NFKBIZ: variants seen among roughly 807,000 people sequenced by gnomAD.
NFKBIZ encodes the protein NFKB inhibitor zeta.
A neutral mutation model predicts 76.8 loss-of-function variants in NFKBIZ; 19 were observed. The ratio of observed to expected loss-of-function variants is 0.25; its 90% CI spans 0.17 to 0.36. The LOEUF (loss-of-function observed/expected upper bound fraction) is 0.36, where lower values mean the gene tolerates loss of function less well. Among genes scored for constraint, NFKBIZ ranks in the 10% least tolerant of loss-of-function variants. The pLI, the probability that NFKBIZ is intolerant of heterozygous loss-of-function variation, is 1.00. For missense variants in NFKBIZ, 829 were observed against 910.9 expected, an observed-to-expected ratio of 0.91 and a Z score of 1.16; for synonymous variants, 368 against 354.8, an observed-to-expected ratio of 1.04 and a Z score of -0.42.
intron 1 of NFKBIZ, among the ~76,000 whole-genome samples, chr3:101,851,167 C>T (rs1462600071): frequency 1.3e-5 from 2 of 152,116 alleles, no homozygotes; most frequent in Non-Finnish European, 2.9e-5. Flanking sequence ...TGTTTCTTGC[C>T]CCATCTTATT....
At chr3:101,837,392 G>T (rs1942734501) in intron 2 of NFKBIZ, among the ~76,000 whole-genome samples, 3 of 149,916 alleles carry the variant, frequency 2.0e-5, no homozygotes, top group African/African-American at 7.4e-5. Flanking sequence ...AAAAATCATT[G>T]AGGAAGTGTT....
intron 4 of NFKBIZ, 49 bp downstream of exon 4, chr3:101,853,038 G>C: frequency 6.2e-7 from 1 of 1,612,564 alleles, no homozygotes; most frequent in Non-Finnish European, 8.5e-7. Context: ...AATTATTCCT[G>C]GGATAATTTT....
chr3:101,851,342 A>G (rs560448518), intron 1 of NFKBIZ, among the ~76,000 whole-genome samples: 2 of 152,386 alleles, frequency 1.3e-5, no homozygotes, highest in South Asian at 2.1e-4. Flanking sequence ...TGAAACAAGC[A>G]TATTTCCTTT....
chr3:101,858,097 A>G (rs1943077499), intron 11 of NFKBIZ: 1 of 966,086 alleles, frequency 1.0e-6, no homozygotes, highest in African/African-American at 1.8e-5. Context: ...TTATTCTTTC[A>G]AGAACTTAAA....
In NFKBIZ at chr3:101,853,361, C is replaced by A; in HGVS notation, c.835C>A (p.Gln279Lys). The A allele has an allele frequency of 6.2e-7, 1 of 1,614,156 alleles. No homozygotes were observed. The highest frequency in any genetic ancestry group is 1.1e-5 in the South Asian group (1 of 91,088). ...ACCATTCCAAGTCAGGGGCTCCCAA[C>A]AAATGATAGACCAGGCTTCCCTGTA... ...CQPFQVRGSQ[Q>K]MIDQASLYQY... Residue 279 changes from glutamine (Q) to lysine (K), a missense_variant, in exon 5 of 12, where the codon CAA (glutamine) becomes AAA (lysine). By Grantham distance (53) the Gln-to-Lys change is moderately conservative. Around this residue, in one of 4 missense-constraint regions of NFKBIZ, gnomAD observed 371 missense variants for 332.3 expected, o/e 1.12. Coordinates refer to ENST00000326172, the MANE Select transcript of NFKBIZ (RefSeq NM_031419.4).
intron 5 of NFKBIZ, 150 bp downstream of exon 5, chr3:101,854,013 T>C: frequency 1.3e-6 from 1 of 773,716 alleles, no homozygotes. Context: ...CGCCACTCAG[T>C]GATAGCTAGT....
Position 101,841,788 on chromosome 3 carries a change from T to C in NFKBIZ, c.-11-10297T>C, listed in dbSNP as rs1014246725. Among the ~76,000 whole-genome samples the C allele has an allele frequency of 2.0e-5, 3 of 152,238 alleles. No individual in the cohort carries two copies. In the South Asian group the frequency reaches 6.2e-4, roughly 31 times the overall value. On this transcript the variant is annotated intron_variant, in intron 2 of 12. Transcript: ENST00000394054. Reference sequence around the variant, plus strand: ...TTCTGGGCAAAAGGCAGCTGGGTTTTTATATTTACAAGATAGATGAAAATA... The same window carrying C: ...TTCTGGGCAAAAGGCAGCTGGGTTTCTATATTTACAAGATAGATGAAAATA...
rs565388806 is a variant in NFKBIZ at position 101,859,365 on chromosome 3, G to GTA, written c.2153_2154dup (p.Ter719IlefsTer10). The GTA allele has an allele frequency of 1.5e-4, 237 of 1,613,336 alleles. No individual in the cohort carries two copies. Among genetic ancestry groups the GTA allele is most frequent in the Admixed American group, 4.3e-4 (26 of 60,012 alleles). On this transcript the variant is annotated frameshift_variant, in exon 12 of 12. Transcript: ENST00000326172. LOFTEE classifies it high-confidence loss of function. ...AGTCCATTCAGCAGAGAGCTCCACC[G>GTA]TATTAGCTCCATTAGCTTGGAGCCT...
chr3:101,831,134 C>T (rs185022042), intron 2 of NFKBIZ, among the ~76,000 whole-genome samples: 7 of 152,322 alleles, frequency 4.6e-5, no homozygotes, highest in Admixed American at 3.3e-4. Flanking sequence ...GTTTGCTAGA[C>T]AGCCTAGTAC....
chr3:101,849,508 G>C (rs1942911219), upstream of NFKBIZ: 1 of 869,116 alleles, frequency 1.2e-6, no homozygotes, highest in Non-Finnish European at 1.5e-6. Context: ...GTCCCGCGCC[G>C]CGCCCGTACT....
At chr3:101,837,847 A>G (rs1942742983) in intron 2 of NFKBIZ, among the ~76,000 whole-genome samples, 1 of 152,214 alleles carries the variant, frequency 6.6e-6, no homozygotes. Context: ...AGATTAGGAG[A>G]TGAAATTCTG....
intron 2 of NFKBIZ, among the ~76,000 whole-genome samples, chr3:101,836,424 A>G (rs1173943711): frequency 6.6e-6 from 1 of 152,212 alleles, no homozygotes; most frequent in Non-Finnish European, 1.5e-5. Flanking sequence ...TTCTTAGCAC[A>G]TCATGGCCAC....
chr3:101,852,223 A>C lies in NFKBIZ; in HGVS notation c.428A>C (p.Lys143Thr). The change falls in exon 2 of 12, where the codon AAG (lysine) becomes ACG (threonine). Residue 143 changes from lysine (K) to threonine (T), a missense_variant and splice_region_variant. Coordinates refer to ENST00000326172, the MANE Select transcript of NFKBIZ (RefSeq NM_031419.4). ...KASGQAVDDFKTQGVNIEQFR... is the reference protein window; with the variant it reads ...KASGQAVDDFTTQGVNIEQFR... ...TCTGGCCAAGCTGTGGATGATTTTA[A>C]GGTGACATCTATTTTTCTGTTTTGA... 1 of 1,613,758 alleles carries C rather than the reference A, an allele frequency of 6.2e-7. No homozygotes were observed. Among genetic ancestry groups the C allele is most frequent in the Non-Finnish European group, 8.5e-7 (1 of 1,179,872 alleles).
At chr3:101,838,200 A>G (rs1402581210) in intron 2 of NFKBIZ, among the ~76,000 whole-genome samples, 3 of 152,232 alleles carry the variant, frequency 2.0e-5, no homozygotes, top group Admixed American at 2.0e-4. Flanking sequence ...GGGAACAGGA[A>G]TGGAACTAAC....
chr3:101,852,342 G>C, intron 2 of NFKBIZ, 118 bp downstream of exon 2: 1 of 1,261,766 alleles, frequency 7.9e-7, no homozygotes, highest in South Asian at 1.4e-5. Flanking sequence ...TTCATAAGAT[G>C]ACAAAGTCCA....
intron 9 of NFKBIZ, 131 bp downstream of exon 9, chr3:101,856,033 T>C (rs1943044321): frequency 2.5e-6 from 2 of 810,516 alleles, no homozygotes; most frequent in Non-Finnish European, 3.6e-6. Context: ...TAGCAATGTA[T>C]GGGTGGTTAA....
In NFKBIZ at chr3:101,832,565, C is replaced by T. The variant is rs184946428; in HGVS notation, c.-12+2877C>T. On this transcript the variant is annotated intron_variant, in intron 2 of 12. Coordinates refer to the NFKBIZ transcript ENST00000394054. Reference sequence around the variant, plus strand: ...CTTATGTAAGTGGAATCATATAATACCTATCTTCTTATGACTGGTTTATTT... The same window carrying T: ...CTTATGTAAGTGGAATCATATAATATCTATCTTCTTATGACTGGTTTATTT... Among the ~76,000 whole-genome samples the T allele has an allele frequency of 2.6e-5, 4 of 152,282 alleles. No individual in the cohort carries two copies. The East Asian group carries it at 7.7e-4, about 29-fold the overall frequency.
chr3:101,847,877 A>G (rs1048770034), upstream of NFKBIZ, among the ~76,000 whole-genome samples: 5 of 152,024 alleles, frequency 3.3e-5, no homozygotes, highest in Admixed American at 3.3e-4. Flanking sequence ...TCGTCCTAAA[A>G]CCCAAACATT....
upstream of NFKBIZ, among the ~76,000 whole-genome samples, chr3:101,845,255 G>A (rs1364797808): frequency 6.7e-6 from 1 of 148,528 alleles, no homozygotes; most frequent in Non-Finnish European, 1.5e-5. Flanking sequence ...GTGACAGAGC[G>A]AGACTCTGTC....
Sources: allele counts gnomAD v4.1 joint callset (sites outside exome capture counted in the v4.1 genomes callset), GRCh38; gene constraint gnomAD v4.1.1; regional missense constraint gnomAD v4.1.1; transcripts MANE v1.5; gene names NCBI Gene and HGNC (gene_info 2026-07-23, HGNC 2026-07-21).